PHTF1: variants seen among roughly 807,000 people sequenced by gnomAD.
PHTF1 encodes the protein putative homeodomain transcription factor 1.
A neutral mutation model predicts 102.4 loss-of-function variants in PHTF1; 88 were observed. The ratio of observed to expected loss-of-function variants is 0.86; its 90% CI spans 0.72 to 1.03. PHTF1 has a LOEUF of 1.03. Among genes scored for constraint, PHTF1 ranks in the 50% least tolerant of loss-of-function variants. PHTF1 has a pLI of 0.00. For missense variants in PHTF1, 814 were observed against 909.5 expected, an observed-to-expected ratio of 0.89 and a Z score of 1.35; for synonymous variants, 289 against 305.2, an observed-to-expected ratio of 0.95 and a Z score of 0.55.
At chr1:113,710,215 A>G (rs775311300) in intron 11 of PHTF1, 39 bp downstream of exon 11, 1 of 1,437,704 alleles carries the variant, frequency 7.0e-7, no homozygotes, top group Non-Finnish European at 9.8e-7. Context: ...CAGTAAGAAC[A>G]CAATAAATAC....
chr1:113,724,311 A>C (rs1250791624), intron 7 of PHTF1, among the ~76,000 whole-genome samples: 2 of 152,104 alleles, frequency 1.3e-5, no homozygotes, highest in Non-Finnish European at 2.9e-5. Flanking sequence ...GTGATGGCTC[A>C]TGCCTGAGGC....
At chr1:113,758,174 T>C (rs927568020) in intron 2 of PHTF1, among the ~76,000 whole-genome samples, 11 of 128,650 alleles carry the variant, frequency 8.6e-5, no homozygotes, top group Non-Finnish European at 1.7e-4. Flanking sequence ...GAGCTTGCAG[T>C]GAGCCGAGGT....
intron 17 of PHTF1, chr1:113,699,334 T>C (rs1281354342): frequency 8.5e-6 from 3 of 354,920 alleles, no homozygotes; most frequent in Non-Finnish European, 1.6e-5. Flanking sequence ...GGCTACCTCC[T>C]TGGAGCACTA....
At chr1:113,728,926 G>T (rs1654229254) in intron 5 of PHTF1, among the ~76,000 whole-genome samples, 1 of 151,920 alleles carries the variant, frequency 6.6e-6, no homozygotes, top group Non-Finnish European at 1.5e-5. Context: ...CAAACAAAAA[G>T]AACAAAAGAA....
At chr1:113,759,619 T>C (rs1659430362), upstream of PHTF1, 1 of 152,258 alleles carries the variant, frequency 6.6e-6, no homozygotes, top group African/African-American at 2.4e-5. Context: ...AGGCTCCGGG[T>C]CCGAGGGCCT....
chr1:113,723,338 C>T (rs1158095032), intron 7 of PHTF1, among the ~76,000 whole-genome samples: 1 of 152,038 alleles, frequency 6.6e-6, no homozygotes, highest in African/African-American at 2.4e-5. Context: ...CCACCACGCC[C>T]GGATAATTCT....
chr1:113,710,333 G>A lies in PHTF1; in HGVS notation c.1190C>T (p.Thr397Ile), dbSNP rs1650868403. Residue 397 changes from threonine (T) to isoleucine (I), a missense_variant, in exon 11 of 19, where the codon ACC becomes ATC. Thr to Ile is a moderately conservative substitution (Grantham distance 89). Transcript: ENST00000369604. ...LHGPECRSSV[T>I]SDSEGAHVNT... The stretch of plus-strand genomic sequence containing the variant: ...CACATGGGCCCCCTCACTGTCACTG[G>A]TGACAGATGACCGGCACTCTGGGCC... 1.2e-6 allele frequency: 2 copies of A among 1,613,974 alleles called. No individual in the cohort carries two copies. The highest frequency in any genetic ancestry group is 1.7e-5 in the Admixed American group (1 of 60,002).
At chr1:113,726,744 C>G (rs1203744784) in intron 5 of PHTF1, among the ~76,000 whole-genome samples, 170 bp from the exon 6 acceptor site, 1 of 152,110 alleles carries the variant, frequency 6.6e-6, no homozygotes, top group Non-Finnish European at 1.5e-5. Context: ...AAAACTGAAG[C>G]CCTAGATCCC....
At position 113,704,756 on chromosome 1, in the gene PHTF1, G is replaced by A. The variant is rs1173142003; in HGVS notation, c.1713C>T (p.Ala571=). 3.1e-6 allele frequency: 5 copies of A among 1,593,212 alleles called. No individual in the cohort carries two copies. Among genetic ancestry groups the A allele is most frequent in the Non-Finnish European group, 3.4e-6 (4 of 1,162,402 alleles). Residue 571 remains alanine (A), a synonymous_variant, in exon 14 of 19, where the codon GCC becomes GCT. Coordinates refer to ENST00000369604, the MANE Select transcript of PHTF1 (RefSeq NM_001323043.2). ...FAKLFSHITS[A]RKARKYEIPH... ...GTATTTCATATTTCCTAGCTTTCCT[G>A]GCAGAAGTAATATGGCTGAAGAGTT... is the stretch of plus-strand genomic sequence containing the variant.
At chr1:113,736,711 C>T (rs905186478) in intron 5 of PHTF1, among the ~76,000 whole-genome samples, 3 of 152,176 alleles carry the variant, frequency 2.0e-5, no homozygotes, top group Non-Finnish European at 4.4e-5. Flanking sequence ...CACCACTGCA[C>T]TCCAGCCTGG....
intron 5 of PHTF1, 42 bp from the exon 6 acceptor site, chr1:113,726,616 T>A (rs1448692763): frequency 8.3e-7 from 1 of 1,204,422 alleles, no homozygotes; most frequent in Non-Finnish European, 1.2e-6. Context: ...TTAGAGCTCT[T>A]CTTTAAAATT....
chr1:113,714,737 G>T (rs569297035), intron 7 of PHTF1: 2 of 152,288 alleles, frequency 1.3e-5, no homozygotes, highest in African/African-American at 4.8e-5. Flanking sequence ...GGCTGGATTT[G>T]CCACCTGCTG....
In PHTF1 at chr1:113,713,403, G is replaced by T. The variant is rs748444067; in HGVS notation, c.659C>A (p.Thr220Asn). 12 of 1,580,324 alleles carry T rather than the reference G, an allele frequency of 7.6e-6. No homozygotes were observed. In the Admixed American group the frequency reaches 2.0e-4, roughly 26 times the overall value. The change falls in exon 8 of 19, where the codon ACT becomes AAT. Residue 220 changes from threonine (T) to asparagine (N), a missense_variant. By Grantham distance (65) the Thr-to-Asn change is moderately conservative. Transcript: ENST00000369604. ...KRVKLISNKG[T>N]ETDNDPSCVH... ...ACAACTTGGGTCATTGTCAGTTTCA[G>T]TCCCTTTGTTAGATATTAATTTTAC...
chr1:113,711,504 A>T (rs1247649782), intron 10 of PHTF1, among the ~76,000 whole-genome samples: 1 of 152,150 alleles, frequency 6.6e-6, no homozygotes, highest in African/African-American at 2.4e-5. Context: ...TTATTTAGGG[A>T]TTAAGTAACC....
At chr1:113,750,191 G>A (rs1341576196) in intron 3 of PHTF1, among the ~76,000 whole-genome samples, 1 of 151,842 alleles carries the variant, frequency 6.6e-6, no homozygotes, top group Non-Finnish European at 1.5e-5. Context: ...GAGCTATGTT[G>A]CCCAGGCTGG....
chr1:113,735,736 G>A (rs951109671), intron 5 of PHTF1, among the ~76,000 whole-genome samples: 8 of 151,958 alleles, frequency 5.3e-5, no homozygotes, highest in Non-Finnish European at 1.0e-4. Flanking sequence ...TAAACCTATA[G>A]ATTTGTAAAT....
chr1:113,712,321 T>C (rs1651255493), intron 8 of PHTF1, among the ~76,000 whole-genome samples: 1 of 152,176 alleles, frequency 6.6e-6, no homozygotes, highest in Non-Finnish European at 1.5e-5. Flanking sequence ...GGCAGTGTTA[T>C]GTAGTATTCA....
At chr1:113,731,240 A>G (rs886202334) in intron 5 of PHTF1, among the ~76,000 whole-genome samples, 2 of 152,182 alleles carry the variant, frequency 1.3e-5, no homozygotes, top group African/African-American at 4.8e-5. Context: ...AAAAAAATCC[A>G]GGGCTGGGTG....
rs867096370 is a variant in PHTF1, at chr1:113,706,040, G to A, written c.1521C>T (p.Ser507=). 3.1e-6 allele frequency: 5 copies of A among 1,614,104 alleles called. No individual in the cohort carries two copies. The South Asian group carries it at 5.5e-5, about 18-fold the overall frequency. The change falls in exon 13 of 19, where the codon TCC becomes TCT. Residue 507 remains serine, a synonymous_variant. Coordinates refer to ENST00000369604, the MANE Select transcript of PHTF1 (RefSeq NM_001323043.2). ...FREKSLDQLK[S]ISAEEILTLF... ...GAGTCAAGATCTCCTCAGCTGAAAT[G>A]GACTTTAGTTGGTCAAGGCTCTTCT...
Sources: gnomAD v4.1 joint callset for allele counts (sites outside exome capture counted in the v4.1 genomes callset) on GRCh38, gnomAD v4.1.1 for gene constraint, MANE v1.5 for transcripts, NCBI Gene and HGNC (gene_info 2026-07-23, HGNC 2026-07-21) for gene names.